ACSM1: variants seen among roughly 807,000 people sequenced by gnomAD.
ACSM1 encodes acyl-CoA synthetase medium chain family member 1.
In ACSM1, 79 loss-of-function variants were observed where a neutral mutation model predicts 75.8. That is an observed-to-expected ratio of 1.04 (90% CI 0.87 to 1.26). The LOEUF is 1.26. Among genes scored for constraint, ACSM1 ranks in the 50% most tolerant of loss-of-function variants. The pLI is 0.00. For synonymous variants in ACSM1, 279 were observed against 265.8 expected (o/e 1.05, Z -0.48); for missense variants, 676 against 720.1 (o/e 0.94, Z 0.70).
At chr16:20,687,705 A>G (rs2079577930) in intron 2 of ACSM1, among the ~76,000 whole-genome samples, 1 of 147,718 alleles carries the variant, frequency 6.8e-6, no homozygotes, top group South Asian at 2.2e-4. Context: ...GCTAAAGGAA[A>G]CCACAGATCC....
In ACSM1 at chr16:20,624,230, C is replaced by A. The variant is rs1290386425; in HGVS notation, c.1528-15G>T. On this transcript the variant is annotated splice_polypyrimidine_tract_variant and intron_variant, in intron 12 of 13. Transcript: ENST00000520010. Reference sequence around the variant, plus strand: ...GCCTTCACCACCTGCAGAATGAAGTCATGGGCTCACAGTGAGTGCCAACCT... The same window carrying A: ...GCCTTCACCACCTGCAGAATGAAGTAATGGGCTCACAGTGAGTGCCAACCT... The A allele has an allele frequency of 3.1e-6, 5 of 1,599,800 alleles. No homozygotes were observed. The highest frequency in any genetic ancestry group is 3.4e-6 in the Non-Finnish European group (4 of 1,171,988).
intron 7 of ACSM1, among the ~76,000 whole-genome samples, chr16:20,661,040 C>T (rs930690042): frequency 2.0e-5 from 3 of 152,062 alleles, no homozygotes. Context: ...CAGTGTGACC[C>T]GCAATTCCTC....
chr16:20,682,561 A>G (rs2079469952), intron 3 of ACSM1, 98 bp from the exon 4 acceptor site: 1 of 916,800 alleles, frequency 1.1e-6, no homozygotes, highest in South Asian at 1.5e-5. Context: ...ACTTCTTGTT[A>G]TGTAAAGTAC....
At chr16:20,631,814 A>G (rs979539914) in intron 10 of ACSM1, among the ~76,000 whole-genome samples, 3 of 152,230 alleles carry the variant, frequency 2.0e-5, no homozygotes, top group Non-Finnish European at 4.4e-5. Context: ...GAGCTAAGCT[A>G]TGAAGGCACA....
chr16:20,688,985 TTAATA>T (rs1179286152), intron 2 of ACSM1, among the ~76,000 whole-genome samples: 1 of 148,376 alleles, frequency 6.7e-6, no homozygotes, highest in Non-Finnish European at 1.5e-5. Context: ...ATTTAATATG[TTAATA>T]TATTATATTA....
intron 7 of ACSM1, among the ~76,000 whole-genome samples, chr16:20,649,143 TCA>T (rs760745093): frequency 4.6e-5 from 7 of 151,928 alleles, no homozygotes; most frequent in Non-Finnish European, 8.8e-5. Context: ...CCTATGGCCC[TCA>T]CAGAATGTTG....
At position 20,640,518 on chromosome 16, in the gene ACSM1, C is replaced by T. The variant is rs759963679; in HGVS notation, c.1059G>A (p.Glu353=). ...GAAGGCCCGTCCGTCTTTTCCACTC[C>T]TCCTGATCCTTGGGCAACACGACCT... is the stretch of plus-strand genomic sequence containing the variant. ...GGEVVLPKDQ[E]EWKRRTGLLL... The change falls in exon 8 of 14, where the codon GAG becomes GAA. Residue 353 remains glutamate, a synonymous_variant. Coordinates refer to ENST00000520010, the MANE Select transcript of ACSM1 (RefSeq NM_001318890.3). The T allele has an allele frequency of 1.9e-6, 3 of 1,614,072 alleles. No homozygotes were observed. The highest frequency in any genetic ancestry group is 2.5e-6 in the Non-Finnish European group (3 of 1,180,028).
At chr16:20,655,073 A>G (rs571408860) in intron 7 of ACSM1, among the ~76,000 whole-genome samples, 1 of 152,294 alleles carries the variant, frequency 6.6e-6, no homozygotes, top group South Asian at 2.1e-4. Flanking sequence ...CAGCCATAAA[A>G]AATGATGAGT....
chr16:20,640,495 AG>A lies in ACSM1; in HGVS notation c.1081del (p.Leu361PhefsTer14). On this transcript the variant is annotated frameshift_variant, in exon 8 of 14. Transcript: ENST00000520010. LOFTEE classifies it high-confidence loss of function. ...CTGCCCATAGTTCTCGTAGAGCAGAAGGCCCGTCCGTCTTTTCCACTCCTCC... is the reference window on the plus strand; with the variant it reads ...CTGCCCATAGTTCTCGTAGAGCAGAAGCCCGTCCGTCTTTTCCACTCCTCC... Reference protein sequence around the residue: ...DQEEWKRRTGLLLYENYGQSE... With the variant: ...DQEEWKRRTGXLLYENYGQSE... The A allele has an allele frequency of 9.3e-6, 15 of 1,614,164 alleles. No individual in the cohort carries two copies. Among genetic ancestry groups the A allele is most frequent in the Non-Finnish European group, 1.2e-5 (14 of 1,180,004 alleles).
intron 4 of ACSM1, 126 bp from the exon 5 acceptor site, chr16:20,671,797 CT>C: frequency 9.0e-7 from 1 of 1,108,708 alleles, no homozygotes. Flanking sequence ...GGAAAACTGG[CT>C]CTCCCGGAGT....
intron 7 of ACSM1, among the ~76,000 whole-genome samples, chr16:20,645,818 A>G (rs907596606): frequency 6.6e-6 from 1 of 152,220 alleles, no homozygotes; most frequent in African/African-American, 2.4e-5. Flanking sequence ...AAAACTAGGA[A>G]GAAGGCTATG....
At chr16:20,685,660 A>G (rs2079534894) in intron 2 of ACSM1, among the ~76,000 whole-genome samples, 1 of 151,798 alleles carries the variant, frequency 6.6e-6, no homozygotes, top group Non-Finnish European at 1.5e-5. Context: ...TCTCTACTAA[A>G]AATTTAAAAA....
intron 6 of ACSM1, among the ~76,000 whole-genome samples, chr16:20,662,526 G>A (rs1007129647): frequency 2.0e-5 from 3 of 152,154 alleles, no homozygotes; most frequent in Non-Finnish European, 4.4e-5. Flanking sequence ...TCAGATCAGG[G>A]TGGAGATACA....
At chr16:20,670,674 T>C (rs1214048003) in intron 5 of ACSM1, among the ~76,000 whole-genome samples, 1 of 152,234 alleles carries the variant, frequency 6.6e-6, no homozygotes, top group African/African-American at 2.4e-5. Context: ...CCCTACACCC[T>C]GAGCACCAGA....
chr16:20,663,693 A>G (rs16970493), intron 6 of ACSM1, among the ~76,000 whole-genome samples: 4,642 of 152,316 alleles, frequency 0.03, 225 homozygotes, highest in African/African-American at 0.11. Flanking sequence ...GCACATCTAT[A>G]GAGAAAAGCA....
At position 20,685,141 on chromosome 16, in the gene ACSM1, A is replaced by G; in HGVS notation, c.403+52T>C. ...CACAGCACCTAATATCTCAGGACCC[A>G]TTGGTTCTAGAACAGCCCCGAGGTC... On this transcript the variant is annotated intron_variant, in intron 3 of 13. Coordinates refer to ENST00000520010, the MANE Select transcript of ACSM1 (RefSeq NM_001318890.3). 4 of 1,594,256 alleles carry G rather than the reference A, an allele frequency of 2.5e-6. No individual in the cohort carries two copies. In the Admixed American group the frequency reaches 5.0e-5, roughly 20 times the overall value.
rs1385373696 is a variant in ACSM1 at position 20,637,352 on chromosome 16, A to G, written c.1197+19T>C. ...CGCTGAGCCCTAACTGCTCCCTGCC[A>G]ATGCCCTTAGGACCAGACCTGGACG... On this transcript the variant is annotated intron_variant, in intron 9 of 13. Transcript: ENST00000520010. The G allele has an allele frequency of 6.2e-7, 1 of 1,611,708 alleles. No individual in the cohort carries two copies. The highest frequency in any genetic ancestry group is 8.5e-7 in the Non-Finnish European group (1 of 1,177,856).
chr16:20,696,685 G>A (rs1567318073), intron 1 of ACSM1, among the ~76,000 whole-genome samples: 1 of 152,166 alleles, frequency 6.6e-6, no homozygotes, highest in Non-Finnish European at 1.5e-5. Context: ...CATTCTGAAA[G>A]CAATTTGACA....
At chr16:20,626,179 A>G (rs907047380) in intron 11 of ACSM1, among the ~76,000 whole-genome samples, 1 of 151,906 alleles carries the variant, frequency 6.6e-6, no homozygotes, top group Non-Finnish European at 1.5e-5. Flanking sequence ...GGAGGTCAGG[A>G]GTTCAAGACC....
Sources: gnomAD v4.1 joint callset for allele counts (sites outside exome capture counted in the v4.1 genomes callset) on GRCh38, gnomAD v4.1.1 for gene constraint, MANE v1.5 for transcripts, NCBI Gene and HGNC (gene_info 2026-07-23, HGNC 2026-07-21) for gene names.